COA1: variants seen among roughly 807,000 people sequenced by gnomAD.
COA1 encodes cytochrome c oxidase assembly factor 1.
A neutral mutation model predicts 16.0 loss-of-function variants in COA1; 13 were observed. The ratio of observed to expected loss-of-function variants is 0.81; its 90% CI spans 0.53 to 1.29. The LOEUF (loss-of-function observed/expected upper bound fraction) is 1.29, where lower values mean the gene tolerates loss of function less well. COA1 is among the 50% of genes most tolerant of loss of function. The pLI, the probability that COA1 is intolerant of heterozygous loss-of-function variation, is 0.00. For missense variants in COA1, 179 were observed against 177.0 expected (o/e 1.01, Z -0.06); for synonymous variants, 65 against 65.7 (o/e 0.99, Z 0.05).
intron 1 of COA1, among the ~76,000 whole-genome samples, chr7:43,702,103 T>A (rs2094769680): frequency 6.6e-6 from 1 of 152,148 alleles, no homozygotes; most frequent in Non-Finnish European, 1.5e-5. Flanking sequence ...TCTATTTTTG[T>A]TTTGTTGCAA....
chr7:43,628,959 T>G lies in COA1; in HGVS notation c.*133+10490A>C, dbSNP rs951468732. ...CCTACCCAAGCTCATGAAGATACTC[T>G]TATTTTTCTTAGGAGTATGATAGTT... On this transcript the variant is annotated intron_variant and NMD_transcript_variant, in intron 6 of 6. Transcript: ENST00000415076. Among the ~76,000 whole-genome samples, 9 of 152,342 alleles carry G rather than the reference T, an allele frequency of 5.9e-5. No individual in the cohort carries two copies. In the South Asian group the frequency reaches 1.4e-3, roughly 25 times the overall value.
In COA1 at chr7:43,639,594, C is replaced by CA; in HGVS notation, c.428dup (p.Lys144GlufsTer48). ...TTCTGGGTCGTCTCTACTCCTTTTT[C>CA]ACTTCATCACCGTTTTCCCCACTGA... is the stretch of plus-strand genomic sequence containing the variant. On this transcript the variant is annotated frameshift_variant, in exon 6 of 6. Coordinates refer to ENST00000223336, the MANE Select transcript of COA1 (RefSeq NM_018224.4). LOFTEE classifies it high-confidence loss of function. 4 of 1,613,618 alleles carry CA rather than the reference C, an allele frequency of 2.5e-6. No individual in the cohort carries two copies. The highest frequency in any genetic ancestry group is 3.4e-6 in the Non-Finnish European group (4 of 1,179,718).
intron 1 of COA1, among the ~76,000 whole-genome samples, chr7:43,715,841 G>A (rs189505107): frequency 1.3e-3 from 191 of 152,234 alleles, no homozygotes; most frequent in Non-Finnish European, 2.3e-3. Flanking sequence ...TAATTCCCAC[G>A]TGTTGTGGGA....
At chr7:43,646,718 C>A in intron 3 of COA1, 1 of 426,886 alleles carries the variant, frequency 2.3e-6, no homozygotes. Context: ...TTCCTGGGAA[C>A]GCTCATCTCA....
chr7:43,630,493 A>G (rs914013797), intron 6 of COA1, among the ~76,000 whole-genome samples: 2 of 152,206 alleles, frequency 1.3e-5, no homozygotes, highest in Admixed American at 1.3e-4. Context: ...TACCTAGAAG[A>G]TAAAGTATTT....
chr7:43,679,105 C>A (rs2093653926), intron 1 of COA1, among the ~76,000 whole-genome samples: 1 of 151,780 alleles, frequency 6.6e-6, no homozygotes, highest in Admixed American at 6.6e-5. Context: ...ATGGTGAAAC[C>A]CCATACAAAA....
At chr7:43,726,429 A>G (rs1261787655) in intron 1 of COA1, among the ~76,000 whole-genome samples, 1 of 152,254 alleles carries the variant, frequency 6.6e-6, no homozygotes, top group African/African-American at 2.4e-5. Flanking sequence ...AAAACAATAT[A>G]GTAAAAAATA....
intron 1 of COA1, among the ~76,000 whole-genome samples, chr7:43,706,461 T>A (rs1351570469): frequency 6.6e-6 from 1 of 151,764 alleles, no homozygotes; most frequent in Non-Finnish European, 1.5e-5. Context: ...GGTGGGAGAA[T>A]CACTTGAGCC....
At chr7:43,656,669 A>G (rs925312569) in intron 1 of COA1, among the ~76,000 whole-genome samples, 19 of 152,234 alleles carry the variant, frequency 1.2e-4, no homozygotes, top group African/African-American at 3.9e-4. Context: ...GCACTCCAGC[A>G]TGGCTACAGA....
At chr7:43,609,841 G>A (rs10282334) in intron 6 of COA1, among the ~76,000 whole-genome samples, 22,316 of 152,130 alleles carry the variant, frequency 0.15, 2,177 homozygotes, top group Non-Finnish European at 0.21. Flanking sequence ...CTCACACCAC[G>A]ATCATCTACT....
chr7:43,715,414 G>A (rs985748810), intron 1 of COA1, among the ~76,000 whole-genome samples: 30 of 151,418 alleles, frequency 2.0e-4, no homozygotes, highest in African/African-American at 5.8e-4. Flanking sequence ...GGAGGCAGAC[G>A]TTGCAGTGAG....
At chr7:43,709,697 T>A (rs988561615) in intron 1 of COA1, among the ~76,000 whole-genome samples, 4 of 152,210 alleles carry the variant, frequency 2.6e-5, no homozygotes, top group Admixed American at 6.5e-5. Context: ...TTATTTTTTT[T>A]AATTTCATAT....
intron 1 of COA1, among the ~76,000 whole-genome samples, chr7:43,656,600 A>G (rs1044535064): frequency 6.6e-6 from 1 of 152,220 alleles, no homozygotes; most frequent in African/African-American, 2.4e-5. Context: ...AGGCTGAGGC[A>G]GGAGAAATCA....
At chr7:43,609,970 C>T (rs10282258) in intron 6 of COA1, among the ~76,000 whole-genome samples, 3 of 152,306 alleles carry the variant, frequency 2.0e-5, no homozygotes, top group Admixed American at 2.0e-4. Context: ...ATACAAATTG[C>T]TAGGCCACAA....
intron 1 of COA1, among the ~76,000 whole-genome samples, chr7:43,651,991 T>C (rs1321843954): frequency 6.6e-6 from 1 of 152,162 alleles, no homozygotes; most frequent in African/African-American, 2.4e-5. Context: ...AGCGAGGCCC[T>C]GTTTCAAAAC....
rs777189024 is a variant in COA1, at chr7:43,639,577, C to A, written c.*5G>T. The A allele has an allele frequency of 6.2e-7, 1 of 1,611,710 alleles. No homozygotes were observed. The highest frequency in any genetic ancestry group is 2.2e-5 in the East Asian group (1 of 44,828). ...TAGAAGCAAGCTGGGTCTTCTGGGT[C>A]GTCTCTACTCCTTTTTCACTTCATC... is the stretch of plus-strand genomic sequence containing the variant. On this transcript the variant is annotated 3_prime_UTR_variant, in exon 6 of 6. Coordinates refer to ENST00000223336, the MANE Select transcript of COA1 (RefSeq NM_018224.4).
chr7:43,674,118 A>G (rs567423584), intron 1 of COA1, among the ~76,000 whole-genome samples: 1 of 152,300 alleles, frequency 6.6e-6, no homozygotes, highest in South Asian at 2.1e-4. Context: ...TACCTATATA[A>G]CAAACCTGCA....
intron 1 of COA1, among the ~76,000 whole-genome samples, chr7:43,681,016 T>C (rs1212116532): frequency 6.6e-6 from 1 of 152,148 alleles, no homozygotes; most frequent in Non-Finnish European, 1.5e-5. Flanking sequence ...CCTTCTGCTT[T>C]TATATTTTGC....
chr7:43,632,280 G>T (rs1329526450), intron 6 of COA1: 1 of 153,670 alleles, frequency 6.5e-6, no homozygotes, highest in Non-Finnish European at 1.4e-5. Context: ...TGATCCTGAG[G>T]TTACAGCAAT....
Sources: allele counts gnomAD v4.1 joint callset (sites outside exome capture counted in the v4.1 genomes callset), GRCh38; gene constraint gnomAD v4.1.1; transcripts MANE v1.5; gene names NCBI Gene and HGNC (gene_info 2026-07-23, HGNC 2026-07-21).